The following AHNAK variants were observed in gnomAD, a reference collection of about 807,000 sequenced individuals.
AHNAK encodes AHNAK nucleoprotein.
A neutral mutation model predicts 37.8 loss-of-function variants in AHNAK; 23 were observed. That is an observed-to-expected ratio of 0.61 (90% CI 0.44 to 0.86). The LOEUF is 0.86. Ranked by LOEUF, AHNAK falls within the 40% of genes least tolerant of loss-of-function variation. The pLI, the probability that AHNAK is intolerant of heterozygous loss-of-function variation, is 0.00. For missense variants in AHNAK, 7,411 were observed against 7,319.4 expected, an observed-to-expected ratio of 1.01 and a Z score of -0.46; for synonymous variants, 2,481 against 2,636.3, an observed-to-expected ratio of 0.94 and a Z score of 1.80.
At chr11:62,483,610 G>A (rs1344073321) in intron 5 of AHNAK, among the ~76,000 whole-genome samples, 45 of 151,452 alleles carry the variant, frequency 3.0e-4, no homozygotes, top group African/African-American at 1.0e-3. Context: ...TGTAATCCCA[G>A]CGCTTTGGGA....
intron 4 of AHNAK, among the ~76,000 whole-genome samples, chr11:62,505,539 G>A (rs906128341): frequency 8.5e-5 from 13 of 152,096 alleles, no homozygotes; most frequent in African/African-American, 3.1e-4. Flanking sequence ...TGGAGTGCCA[G>A]GAGGGATTTA....
intron 1 of AHNAK, chr11:62,545,431 G>T (rs1941275900): frequency 1.3e-5 from 2 of 152,438 alleles, no homozygotes; most frequent in Non-Finnish European, 2.9e-5. Flanking sequence ...AAGGGGCTGC[G>T]CCCCCACATC....
downstream of AHNAK, among the ~76,000 whole-genome samples, chr11:62,514,834 A>G (rs1219794303): frequency 1.3e-5 from 2 of 152,036 alleles, no homozygotes; most frequent in African/African-American, 4.8e-5. Flanking sequence ...CCCCCAGAAC[A>G]CTGGCTCTGC....
At chr11:62,437,547 C>T (rs1421125427) in intron 5 of AHNAK, among the ~76,000 whole-genome samples, 6 of 152,028 alleles carry the variant, frequency 3.9e-5, no homozygotes, top group African/African-American at 1.5e-4. Flanking sequence ...TTAGTAGAGA[C>T]GGGGTTTCAC....
intron 4 of AHNAK, among the ~76,000 whole-genome samples, chr11:62,497,976 A>C (rs1806426644): frequency 6.6e-6 from 1 of 152,134 alleles, no homozygotes; most frequent in South Asian, 2.1e-4. Flanking sequence ...AAAAAAAAAA[A>C]AGTAAACACT....
Position 62,534,057 on chromosome 11 carries a change from C to T in AHNAK, c.360G>A (p.Glu120=), listed in dbSNP as rs759003946. The change falls in exon 5 of 5, where the codon GAG becomes GAA. Residue 120 remains glutamate, a synonymous_variant. Coordinates refer to ENST00000378024, the MANE Select transcript of AHNAK (RefSeq NM_001620.3). ...TCTTCGTGGTGTAGATGCGCTGGTA[C>T]TCCTCATCATCCCCGCTCTGCAGAA... The part of the protein sequence containing the change: ...SEVVLSGDDE[E]YQRIYTTKIK... 3 of 1,550,426 alleles carry T rather than the reference C, an allele frequency of 1.9e-6. No individual in the cohort carries two copies. The highest frequency in any genetic ancestry group is 3.7e-5 in the Admixed American group (2 of 53,704).
intron 5 of AHNAK, among the ~76,000 whole-genome samples, chr11:62,465,053 T>G (rs1199600524): frequency 6.6e-6 from 1 of 152,108 alleles, no homozygotes; most frequent in African/African-American, 2.4e-5. Flanking sequence ...TCCCGTTTCC[T>G]TTGCTGCATC....
At chr11:62,482,015 G>A (rs1030336629) in intron 5 of AHNAK, among the ~76,000 whole-genome samples, 3 of 152,098 alleles carry the variant, frequency 2.0e-5, no homozygotes, top group Non-Finnish European at 2.9e-5. Context: ...TCCCTGCTGG[G>A]TCAGCCATGC....
chr11:62,443,473 T>A (rs1397817999), intron 5 of AHNAK, among the ~76,000 whole-genome samples: 1 of 151,774 alleles, frequency 6.6e-6, no homozygotes, highest in Non-Finnish European at 1.5e-5. Flanking sequence ...GGTTTCTCCA[T>A]GTTGGTCAGG....
downstream of AHNAK, among the ~76,000 whole-genome samples, chr11:62,515,743 C>A (rs1939998855): frequency 6.6e-6 from 1 of 152,176 alleles, no homozygotes; most frequent in Admixed American, 6.5e-5. Context: ...AATCAAGAAG[C>A]AAAGATTTTC....
intron 5 of AHNAK, among the ~76,000 whole-genome samples, chr11:62,476,754 T>C (rs1939155106): frequency 6.6e-6 from 1 of 152,196 alleles, no homozygotes; most frequent in Non-Finnish European, 1.5e-5. Flanking sequence ...CAACTGTCGA[T>C]GACCGGTGGT....
intron 5 of AHNAK, among the ~76,000 whole-genome samples, chr11:62,464,070 T>C (rs1199666859): frequency 7.1e-6 from 1 of 140,326 alleles, no homozygotes; most frequent in African/African-American, 2.7e-5. Flanking sequence ...GCCCGATGAG[T>C]TTTTTTTTTA....
rs1182188479 is a variant in AHNAK, at chr11:62,524,316, A to C, written c.10101T>G (p.Pro3367=). 1.9e-6 allele frequency: 3 copies of C among 1,613,704 alleles called. No individual in the cohort carries two copies. The highest frequency in any genetic ancestry group is 2.5e-6 in the Non-Finnish European group (3 of 1,179,966). The change falls in exon 5 of 5, where the codon CCT becomes CCG. Residue 3367 remains proline (P), a synonymous_variant. Coordinates refer to ENST00000378024, the MANE Select transcript of AHNAK (RefSeq NM_001620.3). ...GCTTTTTACCTTTGACATCCACTTCAGGTGTCTGAACTTTAGAGCCCGAAA... is the reference window on the plus strand; with the variant it reads ...GCTTTTTACCTTTGACATCCACTTCCGGTGTCTGAACTTTAGAGCCCGAAA... ...FNFSGSKVQT[P]EVDVKGKKPD...
chr11:62,511,166 T>A (rs1484304835), downstream of AHNAK, among the ~76,000 whole-genome samples: 1 of 152,028 alleles, frequency 6.6e-6, no homozygotes, highest in Non-Finnish European at 1.5e-5. Flanking sequence ...CACAGGAAAG[T>A]TAGTCACACA....
At position 62,533,574 on chromosome 11, in the gene AHNAK, T is replaced by C. The variant is rs376668545; in HGVS notation, c.843A>G (p.Ser281=). The part of the protein sequence containing the change: ...GGVQVPAVDI[S]SSLGGRAVEV... ...CTACTGCCCTACCCCCAAGAGAAGA[T>C]GAAATGTCCACTGCTGGAACTTGGA... Residue 281 remains serine (S), a synonymous_variant, in exon 5 of 5, where the codon TCA becomes TCG. Coordinates refer to ENST00000378024, the MANE Select transcript of AHNAK (RefSeq NM_001620.3). 33 of 1,613,988 alleles carry C rather than the reference T, an allele frequency of 2.0e-5. No homozygotes were observed. Among genetic ancestry groups the C allele is most frequent in the Non-Finnish European group, 2.6e-5 (31 of 1,180,012 alleles).
Position 62,460,878 on chromosome 11 carries a change from G to A in AHNAK, c.443-26987C>T, listed in dbSNP as rs527527846. On this transcript the variant is annotated intron_variant, in intron 5 of 5. Transcript: ENST00000257247. ...GCTCTGTCACCCAGGCTGGAGTGCAGTGGCCGATCTCGGCTCACTGCAAGC... is the reference window on the plus strand; with the variant it reads ...GCTCTGTCACCCAGGCTGGAGTGCAATGGCCGATCTCGGCTCACTGCAAGC... Among the ~76,000 whole-genome samples the A allele has an allele frequency of 7.2e-5, 11 of 152,170 alleles. No individual in the cohort carries two copies. The East Asian group carries it at 1.5e-3, about 21-fold the overall frequency.
At chr11:62,538,788 C>T (rs532661011) in intron 1 of AHNAK, among the ~76,000 whole-genome samples, 1 of 152,140 alleles carries the variant, frequency 6.6e-6, no homozygotes, top group South Asian at 2.1e-4. Context: ...CCGATTTTGC[C>T]GCAGAATATT....
Position 62,532,353 on chromosome 11 carries a change from A to C in AHNAK, c.2064T>G (p.Pro688=). Reference sequence around the variant, plus strand: ...TCTTTGGTGTCTTGACACTCATATCAGGCAGCTTAACATCGGGGCCTTTAA... The same window carrying C: ...TCTTTGGTGTCTTGACACTCATATCCGGCAGCTTAACATCGGGGCCTTTAA... ...GKLKGPDVKL[P]DMSVKTPKIS... The change falls in exon 5 of 5, where the codon CCT becomes CCG. Residue 688 remains proline, a synonymous_variant. Coordinates refer to ENST00000378024, the MANE Select transcript of AHNAK (RefSeq NM_001620.3). 1 of 1,614,192 alleles carries C rather than the reference A, an allele frequency of 6.2e-7. No individual in the cohort carries two copies. Among genetic ancestry groups the C allele is most frequent in the Non-Finnish European group, 8.5e-7 (1 of 1,180,040 alleles).
intron 5 of AHNAK, among the ~76,000 whole-genome samples, chr11:62,459,816 T>A (rs780800474): frequency 2.4e-4 from 37 of 152,288 alleles, no homozygotes; most frequent in African/African-American, 8.7e-4. Flanking sequence ...ATTTAGGGTC[T>A]GTCCATAGTG....
Sources: allele counts gnomAD v4.1 joint callset (sites outside exome capture counted in the v4.1 genomes callset), GRCh38; gene constraint gnomAD v4.1.1; transcripts MANE v1.5; gene names NCBI Gene and HGNC (gene_info 2026-07-23, HGNC 2026-07-21).